THEMIS: variants seen among roughly 807,000 people sequenced by gnomAD.
The protein encoded by THEMIS is thymocyte selection associated, also known as protein THEMIS.
THEMIS carries 37 observed loss-of-function variants against 52.6 expected under a neutral mutation model. That is an observed-to-expected ratio of 0.70 (90% CI 0.54 to 0.93). The LOEUF (loss-of-function observed/expected upper bound fraction) is 0.93. THEMIS is among the 40% of genes least tolerant of loss of function. The pLI is 0.00. For synonymous variants in THEMIS, 292 were observed against 272.7 expected (o/e 1.07, Z -0.70); for missense variants, 808 against 763.1 (o/e 1.06, Z -0.69).
intron 1 of THEMIS, among the ~76,000 whole-genome samples, chr6:127,875,594 C>T (rs1430030918): frequency 2.0e-5 from 3 of 152,200 alleles, no homozygotes; most frequent in African/African-American, 4.8e-5. Context: ...CTAATAGCCA[C>T]GTGAGGCTCT....
intron 3 of THEMIS, among the ~76,000 whole-genome samples, chr6:127,816,795 C>G (rs1778150881): frequency 6.6e-6 from 1 of 152,134 alleles, no homozygotes. Context: ...TTACCTGGCC[C>G]CTGGCACCAC....
chr6:127,865,844 G>A lies in THEMIS; in HGVS notation c.92-10656C>T, dbSNP rs556279437. Among the ~76,000 whole-genome samples, 107 of 152,198 alleles carry A rather than the reference G, an allele frequency of 7.0e-4. 2 individuals carry two copies. In the Middle Eastern group the frequency reaches 0.031, roughly 44 times the overall value. ...TTTGAACTGGATTTAACACCTCAAT[G>A]ATTCCCTCACTTAATGAGTTAAAAA... On this transcript the variant is annotated intron_variant, in intron 1 of 5. Transcript: ENST00000368248.
At chr6:127,767,225 G>A (rs1776230811) in intron 4 of THEMIS, among the ~76,000 whole-genome samples, 1 of 151,702 alleles carries the variant, frequency 6.6e-6, no homozygotes, top group African/African-American at 2.4e-5. Flanking sequence ...CCAAGTAGCT[G>A]GGATTACAAA....
intron 4 of THEMIS, among the ~76,000 whole-genome samples, chr6:127,750,782 G>A: frequency 6.6e-6 from 1 of 151,770 alleles, no homozygotes; most frequent in Non-Finnish European, 1.5e-5. Flanking sequence ...GACTATCAGT[G>A]GATTTCTTAG....
At chr6:127,756,938 A>C (rs1013625048) in intron 4 of THEMIS, among the ~76,000 whole-genome samples, 2 of 152,224 alleles carry the variant, frequency 1.3e-5, no homozygotes, top group Non-Finnish European at 2.9e-5. Flanking sequence ...AGCATTGTAC[A>C]TAATAAAAAA....
chr6:127,869,109 T>G (rs1357154924), intron 1 of THEMIS, among the ~76,000 whole-genome samples: 1 of 152,206 alleles, frequency 6.6e-6, no homozygotes, highest in Non-Finnish European at 1.5e-5. Context: ...AGTATATATG[T>G]ATGATATTTA....
intron 4 of THEMIS, among the ~76,000 whole-genome samples, chr6:127,771,836 T>C (rs1244369269): frequency 1.3e-5 from 2 of 152,110 alleles, no homozygotes; most frequent in African/African-American, 4.8e-5. Flanking sequence ...CTTAGCCCAC[T>C]ATATCTTCCT....
rs150263674 is a variant in THEMIS, at chr6:127,821,093, A to T, written c.710-7162T>A. 3.1e-3 allele frequency among the ~76,000 whole-genome samples: 476 copies of T among 152,110 alleles called. 3 individuals carry two copies. The highest frequency in any genetic ancestry group is 0.011 in the African/African-American group (465 of 41,550). On this transcript the variant is annotated intron_variant, in intron 3 of 5. Transcript: ENST00000368248. ...AGGAAAAACAATTAGAATCTTTTAT[A>T]GATTTATAAAATTTTAGACAACAAC...
chr6:127,730,375 A>T (rs1339149236), intron 4 of THEMIS, among the ~76,000 whole-genome samples: 1 of 147,744 alleles, frequency 6.8e-6, no homozygotes, highest in Non-Finnish European at 1.5e-5. Flanking sequence ...ACAAGAGAAG[A>T]GAAAGAGAAA....
At chr6:127,710,957 CCCTT>C (rs1445880756) in intron 5 of THEMIS, among the ~76,000 whole-genome samples, 1 of 140,602 alleles carries the variant, frequency 7.1e-6, no homozygotes, top group Non-Finnish European at 1.6e-5. Context: ...CTCCCTCCCT[CCCTT>C]CCTTCTTTCC....
At chr6:127,796,274 T>C (rs964354449) in intron 4 of THEMIS, among the ~76,000 whole-genome samples, 9 of 152,088 alleles carry the variant, frequency 5.9e-5, no homozygotes, top group Non-Finnish European at 1.2e-4. Context: ...TGGGTTAAGG[T>C]TTAGAGTTAA....
At chr6:127,783,036 C>A (rs983021838) in intron 4 of THEMIS, among the ~76,000 whole-genome samples, 3 of 152,118 alleles carry the variant, frequency 2.0e-5, no homozygotes, top group African/African-American at 7.2e-5. Context: ...AGGACCAAAA[C>A]AGAGATATAG....
At chr6:127,754,282 T>C (rs1775746758) in intron 4 of THEMIS, among the ~76,000 whole-genome samples, 1 of 152,190 alleles carries the variant, frequency 6.6e-6, no homozygotes, top group African/African-American at 2.4e-5. Context: ...TCCACAGCAG[T>C]TGCTTTAATG....
rs970185174 is a variant in THEMIS, at chr6:127,812,534, GA to G, written c.1758+348del. ...TGGATGAGGTATTAAATTTTACTTA[GA>G]AAAAAAAATTAACAGAACTTCTAAA... On this transcript the variant is annotated intron_variant, in intron 4 of 5. Transcript: ENST00000368248. Among the ~76,000 whole-genome samples, 3 of 151,168 alleles carry G rather than the reference GA, an allele frequency of 2.0e-5. No individual in the cohort carries two copies. In the East Asian group the frequency reaches 5.8e-4, roughly 29 times the overall value.
chr6:127,754,549 C>G (rs1362439084), intron 4 of THEMIS, among the ~76,000 whole-genome samples: 3 of 152,170 alleles, frequency 2.0e-5, no homozygotes, highest in Non-Finnish European at 4.4e-5. Flanking sequence ...TGATCATATA[C>G]ACTGGAACAC....
intron 4 of THEMIS, among the ~76,000 whole-genome samples, chr6:127,727,447 C>G (rs1276410069): frequency 6.6e-6 from 1 of 152,120 alleles, no homozygotes; most frequent in Non-Finnish European, 1.5e-5. Flanking sequence ...TCCAGCAGGG[C>G]GACAGTTGCT....
At chr6:127,855,986 C>A (rs1779605897) in intron 1 of THEMIS, among the ~76,000 whole-genome samples, 1 of 151,902 alleles carries the variant, frequency 6.6e-6, no homozygotes. Context: ...AGGAAACAAC[C>A]CAAAAACTAT....
intron 1 of THEMIS, among the ~76,000 whole-genome samples, chr6:127,882,838 C>A (rs1229781296): frequency 1.3e-5 from 2 of 151,692 alleles, no homozygotes; most frequent in East Asian, 3.9e-4. Flanking sequence ...ATTTTACTAC[C>A]ACATCACTGC....
At chr6:127,730,866 A>G (rs1774769583) in intron 4 of THEMIS, among the ~76,000 whole-genome samples, 1 of 152,190 alleles carries the variant, frequency 6.6e-6, no homozygotes, top group African/African-American at 2.4e-5. Context: ...CTTATCCTGG[A>G]TGAGGTAGGC....
Sources: allele counts gnomAD v4.1 joint callset (sites outside exome capture counted in the v4.1 genomes callset), GRCh38; gene constraint gnomAD v4.1.1; transcripts MANE v1.5; gene names NCBI Gene and HGNC (gene_info 2026-07-23, HGNC 2026-07-21).